PATJ: variants seen among roughly 807,000 people sequenced by gnomAD.
The protein encoded by PATJ is inaD-like protein.
PATJ carries 190 observed loss-of-function variants against 224.9 expected under a neutral mutation model. The ratio of observed to expected loss-of-function variants is 0.84; its 90% CI spans 0.75 to 0.95. The LOEUF (loss-of-function observed/expected upper bound fraction) is 0.95. Ranked by LOEUF, PATJ falls within the 40% of genes least tolerant of loss-of-function variation. PATJ has a pLI of 0.00. For synonymous variants in PATJ, 769 were observed against 820.3 expected (o/e 0.94, Z 1.07); for missense variants, 2,121 against 2,270.3 (o/e 0.93, Z 1.34).
intron 35 of PATJ, among the ~76,000 whole-genome samples, chr1:62,115,893 A>G (rs1183449886): frequency 6.6e-6 from 1 of 152,012 alleles, no homozygotes; most frequent in Non-Finnish European, 1.5e-5. Context: ...CTTCAGCACC[A>G]TAGAACCATC....
In PATJ at chr1:62,079,525, G is replaced by A. The variant is rs1041729435; in HGVS notation, c.4201G>A (p.Ala1401Thr). The change falls in exon 32 of 44, where the codon GCT (alanine) becomes ACT (threonine). Residue 1401 changes from alanine (A) to threonine (T), a missense_variant. Transcript: ENST00000642238. The stretch of plus-strand genomic sequence containing the variant: ...TTCACAAGAGATACCATTAGCACCA[G>A]CTTCATCATACCATTCAACAGATGC... ...FSSQEIPLAP[A>T]SSYHSTDADF... 10 of 1,613,400 alleles carry A rather than the reference G, an allele frequency of 6.2e-6. No homozygotes were observed. The highest frequency in any genetic ancestry group is 8.5e-6 in the Non-Finnish European group (10 of 1,179,360).
chr1:61,838,521 A>ATT (rs34877280), intron 17 of PATJ, among the ~76,000 whole-genome samples: 4,544 of 115,484 alleles, frequency 0.039, 225 homozygotes, highest in African/African-American at 0.11. Context: ...CGCCTGGCTA[A>ATT]TTTTTTTTTT....
At chr1:61,967,305 A>G (rs886116101) in intron 27 of PATJ, among the ~76,000 whole-genome samples, 5 of 152,302 alleles carry the variant, frequency 3.3e-5, no homozygotes, top group African/African-American at 1.2e-4. Flanking sequence ...TTTATTCCTA[A>G]AATCTTGAAT....
chr1:61,937,323 C>T (rs1005892251), intron 27 of PATJ, among the ~76,000 whole-genome samples: 12 of 152,132 alleles, frequency 7.9e-5, no homozygotes, highest in African/African-American at 2.9e-4. Flanking sequence ...ACCTTGACCT[C>T]CTGAGCTCAA....
chr1:61,972,253 G>A (rs1040175078), intron 27 of PATJ, among the ~76,000 whole-genome samples: 5 of 151,984 alleles, frequency 3.3e-5, no homozygotes, highest in Non-Finnish European at 7.3e-5. Context: ...AGTTTTGACT[G>A]TGACCCGTCA....
intron 9 of PATJ, among the ~76,000 whole-genome samples, chr1:61,795,099 T>TAAAA (rs78496504): frequency 1.1e-3 from 106 of 100,950 alleles, no homozygotes; most frequent in Admixed American, 1.4e-3. Flanking sequence ...ATAGTGATGG[T>TAAAA]AAAAAAAAAA....
chr1:62,094,419 A>G (rs1425801956), intron 33 of PATJ, among the ~76,000 whole-genome samples: 1 of 152,038 alleles, frequency 6.6e-6, no homozygotes, highest in Non-Finnish European at 1.5e-5. Context: ...TATATTTTAA[A>G]ATAATGATAT....
chr1:62,151,417 C>T lies in PATJ; in HGVS notation c.5379-1941C>T, dbSNP rs544889389. Among the ~76,000 whole-genome samples the T allele has an allele frequency of 2.6e-5, 4 of 151,790 alleles. No individual in the cohort carries two copies. The East Asian group carries it at 7.8e-4, about 30-fold the overall frequency. ...CCCTGGCTAACATGGTGAAAAACCC[C>T]GTCTCTACTAAAAATACAAAAAAAT... On this transcript the variant is annotated intron_variant, in intron 42 of 43. Coordinates refer to ENST00000642238, the MANE Select transcript of PATJ (RefSeq NM_001350145.3).
chr1:61,929,386 T>C (rs1336739214), intron 27 of PATJ, among the ~76,000 whole-genome samples: 1 of 151,906 alleles, frequency 6.6e-6, no homozygotes, highest in Non-Finnish European at 1.5e-5. Flanking sequence ...TATGTGGGGG[T>C]GAGCGAATAT....
At chr1:61,750,316 G>A (rs1289782709) in intron 1 of PATJ, among the ~76,000 whole-genome samples, 1 of 152,144 alleles carries the variant, frequency 6.6e-6, no homozygotes, top group Non-Finnish European at 1.5e-5. Context: ...GGCTTTCAGG[G>A]ACAGGTCAGT....
chr1:61,897,853 GT>G (rs1670598129), intron 22 of PATJ, among the ~76,000 whole-genome samples: 2 of 39,322 alleles, frequency 5.1e-5, no homozygotes, highest in Non-Finnish European at 1.1e-4. Context: ...CTGCCAAGTT[GT>G]TTTCCCCTAA....
chr1:61,861,289 T>TTTTTTTTTTTC (rs1664541180), intron 18 of PATJ, among the ~76,000 whole-genome samples: 1 of 94,970 alleles, frequency 1.1e-5, no homozygotes, highest in African/African-American at 4.7e-5. Flanking sequence ...TCTTTCTTTT[T>TTTTTTTTTTTC]TTTTTTTTTT....
intron 29 of PATJ, among the ~76,000 whole-genome samples, chr1:62,031,857 G>C (rs1048863323): frequency 2.0e-5 from 3 of 152,126 alleles, no homozygotes; most frequent in Non-Finnish European, 4.4e-5. Flanking sequence ...TTGTTATGAA[G>C]GTTAAAATGA....
intron 27 of PATJ, among the ~76,000 whole-genome samples, chr1:61,943,274 G>A (rs1488546555): frequency 6.6e-6 from 1 of 152,166 alleles, no homozygotes; most frequent in African/African-American, 2.4e-5. Context: ...AGTAGGTGCA[G>A]CCCATGGAGC....
chr1:62,067,554 A>C (rs1656696288), intron 31 of PATJ, among the ~76,000 whole-genome samples: 1 of 152,152 alleles, frequency 6.6e-6, no homozygotes, highest in Non-Finnish European at 1.5e-5. Flanking sequence ...CTATCCACTA[A>C]ATTCCTCCCA....
In PATJ at chr1:61,986,333, C is replaced by T. The variant is rs184692728; in HGVS notation, c.3671-3835C>T. ...TCATATAGATTTTAAAATGTACCAA[C>T]TTATAGTTTGTGTTGATGTACGGTC... On this transcript the variant is annotated intron_variant, in intron 27 of 43. Coordinates refer to ENST00000642238, the MANE Select transcript of PATJ (RefSeq NM_001350145.3). Among the ~76,000 whole-genome samples the T allele has an allele frequency of 2.7e-3, 412 of 152,124 alleles. 9 individuals are homozygous for T. Among genetic ancestry groups the T allele is most frequent in the African/African-American group, 9.6e-3 (396 of 41,418 alleles).
chr1:61,775,632 T>A (rs368561960), intron 7 of PATJ, among the ~76,000 whole-genome samples: 4 of 152,198 alleles, frequency 2.6e-5, no homozygotes, highest in African/African-American at 9.6e-5. Flanking sequence ...ATTTTGAACA[T>A]CTGTATTATT....
intron 28 of PATJ, among the ~76,000 whole-genome samples, chr1:61,997,365 TG>T (rs1645426160): frequency 6.6e-6 from 1 of 152,118 alleles, no homozygotes; most frequent in Admixed American, 6.5e-5. Flanking sequence ...GCTGGCTGAG[TG>T]GTCAGCCTCA....
chr1:62,124,518 C>A (rs1665470572), intron 39 of PATJ, among the ~76,000 whole-genome samples: 1 of 152,194 alleles, frequency 6.6e-6, no homozygotes, highest in African/African-American at 2.4e-5. Context: ...TTTAATGATA[C>A]CTCTGTTTGA....
Sources: gnomAD v4.1 joint callset for allele counts (sites outside exome capture counted in the v4.1 genomes callset) on GRCh38, gnomAD v4.1.1 for gene constraint, MANE v1.5 for transcripts, NCBI Gene and HGNC (gene_info 2026-07-23, HGNC 2026-07-21) for gene names.